Variants in ZNF609 observed in about 807,000 individuals in gnomAD.
ZNF609 encodes zinc finger protein 609.
Under a neutral mutation model 109.5 loss-of-function variants are expected in ZNF609, and 11 were observed. The ratio of observed to expected loss-of-function variants is 0.10; its 90% CI spans 0.06 to 0.17. The LOEUF (loss-of-function observed/expected upper bound fraction) is 0.17. Among genes scored for constraint, ZNF609 ranks in the 10% least tolerant of loss-of-function variants. The pLI, the probability that ZNF609 is intolerant of heterozygous loss-of-function variation, is 1.00. For missense variants in ZNF609, 1,559 were observed against 1,772.4 expected, an observed-to-expected ratio of 0.88 and a Z score of 2.16; for synonymous variants, 646 against 662.0, an observed-to-expected ratio of 0.98 and a Z score of 0.37.
intron 2 of ZNF609, among the ~76,000 whole-genome samples, chr15:64,563,469 G>T: frequency 6.6e-6 from 1 of 151,642 alleles, no homozygotes; most frequent in East Asian, 1.9e-4. Flanking sequence ...AAAAATAATT[G>T]AAAATAACTG....
At chr15:64,525,292 A>G (rs1893954045) in intron 2 of ZNF609, among the ~76,000 whole-genome samples, 1 of 152,128 alleles carries the variant, frequency 6.6e-6, no homozygotes, top group South Asian at 2.1e-4. Flanking sequence ...AGTCTTTTAC[A>G]TGTACATATG....
Position 64,487,521 on chromosome 15 carries a change from A to G in ZNF609, c.-127-11772A>G, listed in dbSNP as rs548086185. Among the ~76,000 whole-genome samples, 132 of 152,174 alleles carry G rather than the reference A, an allele frequency of 8.7e-4. 1 individual carries two copies. The highest frequency in any genetic ancestry group is 1.6e-3 in the Non-Finnish European group (111 of 68,004). On this transcript the variant is annotated intron_variant, in intron 1 of 9. Transcript: ENST00000326648. ...ACATTTATTTCCAGCACCCTGCAAG[A>G]TTCCCTCGTGTTTCTTCCCAGTTGG... is the stretch of plus-strand genomic sequence containing the variant.
At chr15:64,596,642 T>G (rs1380586528) in intron 2 of ZNF609, among the ~76,000 whole-genome samples, 1 of 152,206 alleles carries the variant, frequency 6.6e-6, no homozygotes, top group African/African-American at 2.4e-5. Flanking sequence ...CATGACCTAT[T>G]TGTCTCCTAA....
chr15:64,670,591 C>A (rs1896711107), intron 4 of ZNF609, among the ~76,000 whole-genome samples, 158 bp downstream of exon 4: 1 of 152,114 alleles, frequency 6.6e-6, no homozygotes, highest in Admixed American at 6.6e-5. Context: ...TTCAAGAAGA[C>A]TGAATGGCCA....
chr15:64,611,257 C>G (rs531051469), intron 2 of ZNF609, among the ~76,000 whole-genome samples: 2 of 152,260 alleles, frequency 1.3e-5, no homozygotes, highest in South Asian at 4.1e-4. Flanking sequence ...AGAGGAAGTA[C>G]TTGGGTCTCT....
Position 64,461,627 on chromosome 15 carries a change from G to C in ZNF609, c.-128+789G>C, listed in dbSNP as rs76148406. On this transcript the variant is annotated intron_variant, in intron 1 of 9. Coordinates refer to ENST00000326648, the MANE Select transcript of ZNF609 (RefSeq NM_015042.2). ...CAGGCAGCAGCAAACAGTCATTTCA[G>C]CTTCGAGGAATTAGGCTCACACAGG... 5.7e-3 allele frequency among the ~76,000 whole-genome samples: 874 copies of C among 152,286 alleles called. 6 individuals are homozygous for C. The highest frequency in any genetic ancestry group is 9.3e-3 in the Non-Finnish European group (632 of 68,014).
At position 64,641,929 on chromosome 15, in the gene ZNF609, C is replaced by T. The variant is rs562410865; in HGVS notation, c.973+18877C>T. Reference sequence around the variant, plus strand: ...TAAAGGAACAGTAACCACATTTCTGCCTTTAGGTTTCTGGTTTTGGAAGAC... The same window carrying T: ...TAAAGGAACAGTAACCACATTTCTGTCTTTAGGTTTCTGGTTTTGGAAGAC... On this transcript the variant is annotated intron_variant, in intron 3 of 9. Coordinates refer to ENST00000326648, the MANE Select transcript of ZNF609 (RefSeq NM_015042.2). 5.1e-4 allele frequency among the ~76,000 whole-genome samples: 77 copies of T among 152,212 alleles called. 2 individuals are homozygous for T. The highest frequency in any genetic ancestry group is 2.4e-4 in the Non-Finnish European group (16 of 68,012).
At chr15:64,531,946 C>T (rs1894069896) in intron 2 of ZNF609, among the ~76,000 whole-genome samples, 1 of 152,104 alleles carries the variant, frequency 6.6e-6, no homozygotes, top group Admixed American at 6.5e-5. Context: ...GCTCAGAACC[C>T]TCCATTGGCT....
At chr15:64,477,133 TTTC>T (rs1172839882) in intron 1 of ZNF609, among the ~76,000 whole-genome samples, 1 of 149,202 alleles carries the variant, frequency 6.7e-6, no homozygotes, top group East Asian at 1.9e-4. Flanking sequence ...TACTCTTCTC[TTTC>T]TTTTTTTTTT....
intron 3 of ZNF609, among the ~76,000 whole-genome samples, chr15:64,624,323 A>T (rs143906263): frequency 6.6e-6 from 1 of 152,164 alleles, no homozygotes; most frequent in East Asian, 1.9e-4. Flanking sequence ...GAAAATCACA[A>T]AGTGGCTATC....
intron 3 of ZNF609, among the ~76,000 whole-genome samples, chr15:64,650,979 C>G (rs1254558229): frequency 6.6e-6 from 1 of 151,886 alleles, no homozygotes; most frequent in Non-Finnish European, 1.5e-5. Flanking sequence ...ATTTGGCAGT[C>G]TAGAAAAAGT....
At chr15:64,636,315 T>A (rs935689938) in intron 3 of ZNF609, among the ~76,000 whole-genome samples, 9 of 152,170 alleles carry the variant, frequency 5.9e-5, no homozygotes, top group African/African-American at 1.7e-4. Flanking sequence ...CACGGCCTTC[T>A]CCATAGCAAC....
intron 2 of ZNF609, among the ~76,000 whole-genome samples, chr15:64,618,370 T>A (rs961118204): frequency 3.9e-5 from 6 of 152,126 alleles, no homozygotes; most frequent in African/African-American, 1.4e-4. Flanking sequence ...ACCCCGGCAG[T>A]GTCTAGGGGT....
intron 3 of ZNF609, among the ~76,000 whole-genome samples, chr15:64,633,416 G>C (rs1170481067): frequency 6.6e-6 from 1 of 152,068 alleles, no homozygotes; most frequent in African/African-American, 2.4e-5. Context: ...CAAAGTGCTA[G>C]GACTATAGGC....
At chr15:64,556,293 G>C (rs1300911081) in intron 2 of ZNF609, among the ~76,000 whole-genome samples, 1 of 151,780 alleles carries the variant, frequency 6.6e-6, no homozygotes, top group East Asian at 1.9e-4. Context: ...ACTACTCTTG[G>C]GTAATTTTAA....
intron 3 of ZNF609, among the ~76,000 whole-genome samples, chr15:64,639,921 G>T (rs889942577): frequency 7.2e-5 from 11 of 151,762 alleles, no homozygotes; most frequent in African/African-American, 2.7e-4. Context: ...TTTTTGCTTT[G>T]TTTTGTTTTG....
intron 2 of ZNF609, among the ~76,000 whole-genome samples, chr15:64,609,064 T>TTCTCTTTCTTTC: frequency 8.4e-6 from 1 of 119,134 alleles, no homozygotes; most frequent in Middle Eastern, 4.2e-3. Flanking sequence ...TAGTTTTAAT[T>TTCTCTTTCTTTC]TTTCTTTCTT....
At chr15:64,597,859 C>T (rs1306444786) in intron 2 of ZNF609, among the ~76,000 whole-genome samples, 1 of 152,134 alleles carries the variant, frequency 6.6e-6, no homozygotes, top group Non-Finnish European at 1.5e-5. Context: ...CCTTCTGCCT[C>T]CCCCATCTAC....
intron 2 of ZNF609, among the ~76,000 whole-genome samples, chr15:64,604,951 C>T (rs1895570732): frequency 6.6e-6 from 1 of 152,232 alleles, no homozygotes; most frequent in South Asian, 2.1e-4. Context: ...CCTGCCTCAG[C>T]CTCCTGAGTA....
Sources: gnomAD v4.1 joint callset for allele counts (sites outside exome capture counted in the v4.1 genomes callset) on GRCh38, gnomAD v4.1.1 for gene constraint, MANE v1.5 for transcripts, NCBI Gene and HGNC (gene_info 2026-07-23, HGNC 2026-07-21) for gene names.